The following GCLC variants were observed in gnomAD, a reference collection of about 807,000 sequenced individuals.
GCLC encodes the protein glutamate--cysteine ligase catalytic subunit.
Under a neutral mutation model 81.5 loss-of-function variants are expected in GCLC, and 30 were observed. The observed-to-expected ratio is 0.37, with a 90% CI of 0.28 to 0.50. The LOEUF (loss-of-function observed/expected upper bound fraction) is 0.50. GCLC is among the 20% of genes least tolerant of loss of function. GCLC has a pLI of 0.96. For missense variants in GCLC, 556 were observed against 777.4 expected (o/e 0.72, Z 3.39); for synonymous variants, 262 against 273.3 (o/e 0.96, Z 0.41).
intron 3 of GCLC, among the ~76,000 whole-genome samples, chr6:53,519,874 A>T (rs561009124): frequency 6.7e-6 from 1 of 149,406 alleles, no homozygotes; most frequent in South Asian, 2.1e-4. Flanking sequence ...TAGAGATATA[A>T]AAAAAAAAAT....
chr6:53,512,760 T>C (rs1764778445), intron 6 of GCLC, among the ~76,000 whole-genome samples: 1 of 152,194 alleles, frequency 6.6e-6, no homozygotes, highest in South Asian at 2.1e-4. Flanking sequence ...CTAGTATACA[T>C]ACAGTGTTTC....
intron 3 of GCLC, among the ~76,000 whole-genome samples, chr6:53,518,279 CT>C (rs1220688819): frequency 3.3e-5 from 5 of 151,972 alleles, no homozygotes; most frequent in African/African-American, 1.2e-4. Flanking sequence ...GAGACGGAGG[CT>C]TGCTTTGTCA....
intron 1 of GCLC, among the ~76,000 whole-genome samples, chr6:53,538,888 ACAGTTTG>A (rs1443025547): frequency 1.3e-5 from 2 of 152,204 alleles, no homozygotes; most frequent in Admixed American, 6.5e-5. Flanking sequence ...TACAACCTAT[ACAGTTTG>A]AAATCTGTAA....
At position 53,500,323 on chromosome 6, in the gene GCLC, C is replaced by T; in HGVS notation, c.1505G>A (p.Gly502Asp). Residue 502 changes from glycine to aspartate, a missense_variant, in exon 14 of 16, where the codon GGC becomes GAC. By Grantham distance (94) the Gly-to-Asp change is moderately conservative (BLOSUM62 -1). Coordinates refer to ENST00000650454, the MANE Select transcript of GCLC (RefSeq NM_001498.4). ...GAGCTCCGTGCTGTTCTGGGCCTTG[C>T]CACAACCATCCACCACTGCATTGCC... ...KGGNAVVDGC[G>D]KAQNSTELAA... 1 of 1,614,190 alleles carries T rather than the reference C, an allele frequency of 6.2e-7. No individual in the cohort carries two copies. The highest frequency in any genetic ancestry group is 8.5e-7 in the Non-Finnish European group (1 of 1,180,004).
In GCLC at chr6:53,544,484, G is replaced by A; in HGVS notation, c.150+12C>T. 1 of 1,605,266 alleles carries A rather than the reference G, an allele frequency of 6.2e-7. No homozygotes were observed. Among genetic ancestry groups the A allele is most frequent in the Non-Finnish European group, 8.5e-7 (1 of 1,179,228 alleles). ...CGGGTGCCCGGCGGGGACGGGGACC[G>A]CGGGCGCTCACCTCATCGCCCCACT... On this transcript the variant is annotated intron_variant, in intron 1 of 15. Transcript: ENST00000650454.
intron 1 of GCLC, chr6:53,523,801 A>G (rs185137635): frequency 6.6e-6 from 1 of 152,360 alleles, no homozygotes. Context: ...ACTGTAGGAG[A>G]TAGCCTAGCA....
At chr6:53,512,234 C>T (rs548347146) in intron 6 of GCLC, among the ~76,000 whole-genome samples, 89 of 152,172 alleles carry the variant, frequency 5.8e-4, no homozygotes, top group Non-Finnish European at 1.1e-3. Flanking sequence ...CATGAGCCAC[C>T]GTGCCTGGCT....
chr6:53,532,294 G>A (rs1403817757), intron 1 of GCLC, among the ~76,000 whole-genome samples: 4 of 152,210 alleles, frequency 2.6e-5, no homozygotes, highest in South Asian at 4.1e-4. Context: ...TCTCGACTGC[G>A]CCCTCTCATT....
At chr6:53,534,230 G>A (rs1402169804) in intron 1 of GCLC, among the ~76,000 whole-genome samples, 1 of 152,192 alleles carries the variant, frequency 6.6e-6, no homozygotes, top group Non-Finnish European at 1.5e-5. Flanking sequence ...TCCAGTCACA[G>A]GATGATAACA....
Position 53,500,062 on chromosome 6 carries a change from A to C in GCLC, c.1685T>G (p.Ile562Ser), listed in dbSNP as rs1175588449. The change falls in exon 15 of 16, where the codon ATT becomes AGT. Residue 562 changes from isoleucine (I) to serine (S), a missense_variant. Transcript: ENST00000650454. ...RCSILNYLKL[I>S]KKRASGELMT... ...TATCATACCAGATGCTCTCTTCTTA[A>C]TTAGCTTTAGGTAGTTCAGAATACT... 1 of 1,601,656 alleles carries C rather than the reference A, an allele frequency of 6.2e-7. No homozygotes were observed. Among genetic ancestry groups the C allele is most frequent in the Non-Finnish European group, 8.6e-7 (1 of 1,168,756 alleles).
At chr6:53,523,393 G>A (rs1206837154) in intron 1 of GCLC, 1 of 152,192 alleles carries the variant, frequency 6.6e-6, no homozygotes, top group Non-Finnish European at 1.5e-5. Context: ...ATTCAGGCAA[G>A]CCCTTGAAAG....
At chr6:53,520,134 T>C (rs1264497653) in intron 3 of GCLC, among the ~76,000 whole-genome samples, 1 of 152,252 alleles carries the variant, frequency 6.6e-6, no homozygotes, top group East Asian at 1.9e-4. Context: ...ATAATACATA[T>C]GATATTCATG....
At chr6:53,499,898 A>G (rs1764472134) in intron 15 of GCLC, 147 bp downstream of exon 15, 2 of 668,156 alleles carry the variant, frequency 3.0e-6, no homozygotes, top group East Asian at 2.7e-5. Context: ...GTCAAAGATT[A>G]TAAGGTGAAT....
At chr6:53,536,685 TTG>T (rs1763262664) in intron 1 of GCLC, among the ~76,000 whole-genome samples, 1 of 152,236 alleles carries the variant, frequency 6.6e-6, no homozygotes, top group South Asian at 2.1e-4. Flanking sequence ...TCAATTAATA[TTG>T]TGACATCTTT....
At chr6:53,507,795 C>T (rs1764645626) in intron 8 of GCLC, among the ~76,000 whole-genome samples, 177 bp from the exon 9 acceptor site, 1 of 151,728 alleles carries the variant, frequency 6.6e-6, no homozygotes, top group Non-Finnish European at 1.5e-5. Context: ...ATTTAAATAC[C>T]CTTTTTTTCT....
In GCLC at chr6:53,544,685, G is replaced by A. The variant is rs1486339234; in HGVS notation, c.-40C>T. ...CCTCCTCCTCCTCCTCCGGGCTGAC[G>A]GCGGTCGCCCGCTCCGGGCGCGAGA... is the stretch of plus-strand genomic sequence containing the variant. On this transcript the variant is annotated 5_prime_UTR_variant, in exon 1 of 16. Coordinates refer to ENST00000650454, the MANE Select transcript of GCLC (RefSeq NM_001498.4). The A allele has an allele frequency of 1.3e-6, 2 of 1,550,312 alleles. No homozygotes were observed. The highest frequency in any genetic ancestry group is 1.7e-6 in the Non-Finnish European group (2 of 1,155,418).
chr6:53,533,058 C>T (rs1195830143), intron 1 of GCLC, among the ~76,000 whole-genome samples: 2 of 152,120 alleles, frequency 1.3e-5, no homozygotes, highest in Non-Finnish European at 2.9e-5. Context: ...AAGTCTGAGG[C>T]TCATTACATC....
chr6:53,511,364 G>A (rs948513209), intron 6 of GCLC, among the ~76,000 whole-genome samples: 5 of 152,076 alleles, frequency 3.3e-5, no homozygotes, highest in Admixed American at 2.0e-4. Context: ...GAATTATTTT[G>A]AACATGCATC....
chr6:53,530,952 C>T (rs6917103), intron 1 of GCLC, among the ~76,000 whole-genome samples: 1,692 of 152,174 alleles, frequency 0.011, 33 homozygotes, highest in African/African-American at 0.039. Flanking sequence ...CCTATTTGGG[C>T]GGTAATAGGT....
Sources: gnomAD v4.1 joint callset for allele counts (sites outside exome capture counted in the v4.1 genomes callset) on GRCh38, gnomAD v4.1.1 for gene constraint, MANE v1.5 for transcripts, NCBI Gene and HGNC (gene_info 2026-07-23, HGNC 2026-07-21) for gene names.